The following FBXL13 variants were observed in gnomAD, a reference collection of about 807,000 sequenced individuals.
FBXL13 encodes F-box and leucine rich repeat protein 13, also known as F-box and leucine-rich repeat protein 13.
A neutral mutation model predicts 83.6 loss-of-function variants in FBXL13; 67 were observed. The observed-to-expected ratio is 0.80, with a 90% CI of 0.66 to 0.98. FBXL13 has a LOEUF of 0.98. FBXL13 is among the 50% of genes least tolerant of loss of function. The pLI, the probability that FBXL13 is intolerant of heterozygous loss-of-function variation, is 0.00. For synonymous variants in FBXL13, 272 were observed against 299.5 expected, an observed-to-expected ratio of 0.91 and a Z score of 0.95; for missense variants, 822 against 866.5, an observed-to-expected ratio of 0.95 and a Z score of 0.64.
chr7:103,043,289 T>A (rs1191868968), intron 2 of FBXL13, among the ~76,000 whole-genome samples: 2 of 152,106 alleles, frequency 1.3e-5, no homozygotes, highest in Non-Finnish European at 2.9e-5. Flanking sequence ...TCATGCCCAT[T>A]AGAATGGAGA....
At chr7:102,959,580 C>T (rs1824856849) in intron 8 of FBXL13, among the ~76,000 whole-genome samples, 2 of 151,972 alleles carry the variant, frequency 1.3e-5, no homozygotes, top group South Asian at 4.1e-4. Context: ...TATCTTTAGA[C>T]TTCTCCAACT....
chr7:103,068,651 G>A (rs766438989), intron 1 of FBXL13, among the ~76,000 whole-genome samples: 2 of 152,182 alleles, frequency 1.3e-5, no homozygotes, highest in African/African-American at 4.8e-5. Flanking sequence ...AAAGAGGACA[G>A]GGCTGGGCCC....
chr7:102,941,040 A>C (rs1470202673), intron 8 of FBXL13, among the ~76,000 whole-genome samples: 1 of 152,230 alleles, frequency 6.6e-6, no homozygotes, highest in Non-Finnish European at 1.5e-5. Flanking sequence ...CTGGAGCCAC[A>C]AGGGCATATT....
At chr7:102,946,335 TCA>T (rs946106524) in intron 8 of FBXL13, among the ~76,000 whole-genome samples, 3 of 152,238 alleles carry the variant, frequency 2.0e-5, no homozygotes, top group African/African-American at 7.2e-5. Context: ...TTGGACAAAG[TCA>T]CACAGCTGGC....
rs1464435133 is a variant in FBXL13 at position 103,022,893 on chromosome 7, A to G, written c.495+2170T>C. Among the ~76,000 whole-genome samples the G allele has an allele frequency of 4.6e-5, 7 of 152,360 alleles. No individual in the cohort carries two copies. In the East Asian group the frequency reaches 1.3e-3, roughly 29 times the overall value. On this transcript the variant is annotated intron_variant, in intron 6 of 19. Transcript: ENST00000313221. The stretch of plus-strand genomic sequence containing the variant: ...TCAACAGAATAAACAGACAACCTAT[A>G]GAATGGTATAAAACATTTGTGAACT...
At chr7:102,833,446 T>C (rs945585444) in intron 17 of FBXL13, among the ~76,000 whole-genome samples, 1 of 151,716 alleles carries the variant, frequency 6.6e-6, no homozygotes, top group African/African-American at 2.4e-5. Flanking sequence ...CTTTTTTTTT[T>C]TTTTTTTGAG....
intron 1 of FBXL13, among the ~76,000 whole-genome samples, chr7:103,061,110 C>G (rs1223665828): frequency 6.6e-6 from 1 of 151,992 alleles, no homozygotes; most frequent in African/African-American, 2.4e-5. Flanking sequence ...AAGAGGCCAA[C>G]TAGCTTCAAC....
intron 16 of FBXL13, among the ~76,000 whole-genome samples, chr7:102,875,184 G>A (rs774062914): frequency 1.3e-5 from 2 of 152,176 alleles, no homozygotes; most frequent in Admixed American, 1.3e-4. Flanking sequence ...TAAAAATCCT[G>A]GGCCTTTAAG....
intron 2 of FBXL13, among the ~76,000 whole-genome samples, chr7:103,048,995 G>A (rs773844546): frequency 6.6e-6 from 1 of 152,020 alleles, no homozygotes. Flanking sequence ...TTTCACTTTT[G>A]GTGCATAAAT....
chr7:103,030,347 T>C (rs1472512268), intron 2 of FBXL13, among the ~76,000 whole-genome samples: 1 of 152,160 alleles, frequency 6.6e-6, no homozygotes, highest in African/African-American at 2.4e-5. Context: ...TTGATGGAGA[T>C]TAAATGCAAA....
chr7:102,951,244 A>G (rs1020690141), intron 8 of FBXL13, among the ~76,000 whole-genome samples: 9 of 151,932 alleles, frequency 5.9e-5, no homozygotes, highest in African/African-American at 2.2e-4. Flanking sequence ...AGGCGGGTGG[A>G]TCACCTGAGG....
At chr7:102,944,553 AC>A in intron 8 of FBXL13, 1 of 1,613,482 alleles carries the variant, frequency 6.2e-7, no homozygotes, top group Non-Finnish European at 8.5e-7. Flanking sequence ...GGGAAAAAAA[AC>A]ATAGAGATCA....
chr7:102,812,191 T>C (rs1437829253), downstream of FBXL13, among the ~76,000 whole-genome samples: 3 of 152,228 alleles, frequency 2.0e-5, no homozygotes, highest in African/African-American at 7.2e-5. Flanking sequence ...ACATCAGTGT[T>C]ACATAATATC....
intron 8 of FBXL13, 50 bp from the exon 10 acceptor site, chr7:102,931,983 A>C (rs1177547822): frequency 6.4e-7 from 1 of 1,569,576 alleles, no homozygotes; most frequent in Admixed American, 1.7e-5. Context: ...CAAATGTTTA[A>C]ACAAAGTTTT....
chr7:103,008,488 G>C (rs894273969), intron 6 of FBXL13, among the ~76,000 whole-genome samples: 1 of 152,166 alleles, frequency 6.6e-6, no homozygotes, highest in Non-Finnish European at 1.5e-5. Context: ...TCTTTGTACT[G>C]TGTTTGCAAC....
chr7:102,822,245 A>G (rs1289750946), intron 18 of FBXL13, 42 bp from the exon 20 acceptor site: 2 of 1,592,694 alleles, frequency 1.3e-6, no homozygotes, highest in South Asian at 1.1e-5. Context: ...TTCAAACACT[A>G]TCTCAGGGAA....
intron 11 of FBXL13, among the ~76,000 whole-genome samples, chr7:102,893,493 G>A (rs913193687): frequency 3.3e-5 from 5 of 152,310 alleles, no homozygotes; most frequent in South Asian, 2.1e-4. Context: ...GAGGCTGGGC[G>A]CGGTGGCTCG....
At chr7:102,952,368 TACA>T (rs1194775183) in intron 8 of FBXL13, among the ~76,000 whole-genome samples, 2 of 152,150 alleles carry the variant, frequency 1.3e-5, no homozygotes, top group Non-Finnish European at 2.9e-5. Context: ...ACATATTTTT[TACA>T]ACAATGAAAA....
chr7:102,927,994 C>T (rs1438864354), intron 9 of FBXL13, among the ~76,000 whole-genome samples: 1 of 152,156 alleles, frequency 6.6e-6, no homozygotes, highest in Middle Eastern at 3.2e-3. Context: ...CACTTAAACA[C>T]CCTCAGAGAG....
Sources: gnomAD v4.1 joint callset for allele counts (sites outside exome capture counted in the v4.1 genomes callset) on GRCh38, gnomAD v4.1.1 for gene constraint, MANE v1.5 for transcripts, NCBI Gene and HGNC (gene_info 2026-07-23, HGNC 2026-07-21) for gene names.